The following THSD7B variants were observed in gnomAD, a reference collection of about 807,000 sequenced individuals.
THSD7B encodes the protein thrombospondin type-1 domain-containing protein 7B.
In THSD7B, 138 loss-of-function variants were observed where a neutral mutation model predicts 213.6. That is an observed-to-expected ratio of 0.65 (90% confidence interval 0.56 to 0.74). The LOEUF (loss-of-function observed/expected upper bound fraction) is 0.74. Ranked by LOEUF, THSD7B falls within the 30% of genes least tolerant of loss-of-function variation. THSD7B has a pLI of 0.00. For missense variants in THSD7B, 1,931 were observed against 1,991.5 expected (o/e 0.97, Z 0.58); for synonymous variants, 742 against 687.0 (o/e 1.08, Z -1.25).
chr2:137,451,954 A>G, intron 15 of THSD7B: 1 of 452,702 alleles, frequency 2.2e-6, no homozygotes. Context: ...TATCCTCTCA[A>G]TTCCATTCAG....
chr2:137,184,032 C>T (rs1054026311), intron 7 of THSD7B, among the ~76,000 whole-genome samples: 2 of 152,118 alleles, frequency 1.3e-5, no homozygotes, highest in East Asian at 3.9e-4. Flanking sequence ...CTCCTTATAA[C>T]AGCCCTGCAT....
intron 2 of THSD7B, among the ~76,000 whole-genome samples, chr2:137,012,422 T>A (rs1401478924): frequency 3.3e-5 from 5 of 152,210 alleles, no homozygotes; most frequent in Non-Finnish European, 7.3e-5. Context: ...CAAGCTCTTT[T>A]GAGGACAATG....
chr2:137,265,500 A>C (rs1023978550), intron 10 of THSD7B, among the ~76,000 whole-genome samples: 4 of 152,210 alleles, frequency 2.6e-5, no homozygotes, highest in Admixed American at 2.0e-4. Context: ...TGCTGCTATA[A>C]AGACACATGC....
At position 137,218,589 on chromosome 2, in the gene THSD7B, TAAGAC is replaced by T. The variant is rs559783901; in HGVS notation, c.1724-12452_1724-12448del. On this transcript the variant is annotated intron_variant, in intron 7 of 27. Coordinates refer to ENST00000409968, the MANE Select transcript of THSD7B (RefSeq NM_001316349.2). ...TGCATAAAGGCATTAATATCAGTCT[TAAGAC>T]AATACTAGAAAAGTATACTACATTA... Among the ~76,000 whole-genome samples, 787 of 152,130 alleles carry T rather than the reference TAAGAC, an allele frequency of 5.2e-3. 5 individuals are homozygous for T. The highest frequency in any genetic ancestry group is 0.017 in the African/African-American group (719 of 41,534).
At chr2:137,654,608 G>T (rs946144606) in intron 21 of THSD7B, among the ~76,000 whole-genome samples, 2 of 152,102 alleles carry the variant, frequency 1.3e-5, no homozygotes, top group South Asian at 2.1e-4. Flanking sequence ...ATTCGGGGGA[G>T]GGCTATTGCA....
intron 14 of THSD7B, among the ~76,000 whole-genome samples, chr2:137,433,315 C>T (rs1687224374): frequency 6.6e-6 from 1 of 151,580 alleles, no homozygotes; most frequent in Non-Finnish European, 1.5e-5. Context: ...TCAAAAATGT[C>T]TCTTGAACCA....
intron 12 of THSD7B, among the ~76,000 whole-genome samples, chr2:137,391,345 T>G (rs1490502143): frequency 2.6e-5 from 4 of 152,194 alleles, no homozygotes; most frequent in Non-Finnish European, 4.4e-5. Flanking sequence ...TTGGATCTTC[T>G]TTCTTCTTGG....
chr2:137,206,367 G>C (rs535905911), intron 7 of THSD7B, among the ~76,000 whole-genome samples: 1 of 152,028 alleles, frequency 6.6e-6, no homozygotes, highest in African/African-American at 2.4e-5. Context: ...TATGATTAAT[G>C]AGGAAGAAAG....
In THSD7B at chr2:137,160,194, TTA is replaced by T. The variant is rs1381571616; in HGVS notation, c.1370-17_1370-16del. On this transcript the variant is annotated splice_polypyrimidine_tract_variant and intron_variant, in intron 5 of 27. Coordinates refer to ENST00000409968, the MANE Select transcript of THSD7B (RefSeq NM_001316349.2). ...TGTCCAGAGAATGTGACATGGTCCG[TTA>T]TCTTTTTGTCCCTCAGTCTCTAGAC... is the stretch of plus-strand genomic sequence containing the variant. The T allele has an allele frequency of 6.2e-7, 1 of 1,605,488 alleles. No homozygotes were observed.
chr2:137,363,013 G>A (rs1025580347), intron 12 of THSD7B, among the ~76,000 whole-genome samples: 42 of 152,302 alleles, frequency 2.8e-4, no homozygotes, highest in Middle Eastern at 6.8e-3. Flanking sequence ...AAATGTGAAA[G>A]AACAGAAATC....
intron 21 of THSD7B, among the ~76,000 whole-genome samples, chr2:137,643,660 T>A (rs1177647486): frequency 6.6e-6 from 1 of 152,202 alleles, no homozygotes; most frequent in Non-Finnish European, 1.5e-5. Flanking sequence ...TTACAAAAAT[T>A]GAAGGAATAT....
intron 24 of THSD7B, among the ~76,000 whole-genome samples, chr2:137,658,640 A>T (rs1683284158): frequency 6.6e-6 from 1 of 152,154 alleles, no homozygotes; most frequent in Non-Finnish European, 1.5e-5. Flanking sequence ...ATTGCCACTA[A>T]CACCGAAATT....
intron 9 of THSD7B, among the ~76,000 whole-genome samples, chr2:137,237,388 G>T (rs1681789826): frequency 6.6e-6 from 1 of 152,188 alleles, no homozygotes; most frequent in Non-Finnish European, 1.5e-5. Context: ...GAAATAGCTG[G>T]AGAAATAAGT....
intron 3 of THSD7B, among the ~76,000 whole-genome samples, chr2:137,091,727 C>G (rs753630784): frequency 6.6e-6 from 1 of 151,960 alleles, no homozygotes; most frequent in African/African-American, 2.4e-5. Flanking sequence ...TAAGGCCTAC[C>G]CTATGCTTTA....
chr2:137,199,356 A>G, intron 7 of THSD7B, among the ~76,000 whole-genome samples: 1 of 152,194 alleles, frequency 6.6e-6, no homozygotes, highest in East Asian at 1.9e-4. Context: ...TATATAAAAT[A>G]AAAAGTAAGT....
intron 7 of THSD7B, among the ~76,000 whole-genome samples, chr2:137,179,728 T>A (rs1680419369): frequency 6.6e-6 from 1 of 152,204 alleles, no homozygotes; most frequent in Non-Finnish European, 1.5e-5. Context: ...GTGTGTAACC[T>A]TTTGTGCTCT....
At chr2:136,976,334 G>C (rs980551906) in intron 2 of THSD7B, among the ~76,000 whole-genome samples, 1 of 152,126 alleles carries the variant, frequency 6.6e-6, no homozygotes, top group African/African-American at 2.4e-5. Context: ...TTATTTAGAG[G>C]TACTTTTCTT....
At position 137,367,443 on chromosome 2, in the gene THSD7B, C is replaced by T. The variant is rs141718474; in HGVS notation, c.2501-38170C>T. Among the ~76,000 whole-genome samples the T allele has an allele frequency of 5.5e-3, 840 of 152,178 alleles. 7 individuals carry two copies. Among genetic ancestry groups the T allele is most frequent in the African/African-American group, 0.019 (800 of 41,536 alleles). On this transcript the variant is annotated intron_variant, in intron 12 of 27. Transcript: ENST00000409968. ...CTTGTGTGAAATTACAGCTGTCACCCCTATGCAATATACGTTTTGGAAGTA... is the reference window on the plus strand; with the variant it reads ...CTTGTGTGAAATTACAGCTGTCACCTCTATGCAATATACGTTTTGGAAGTA...
rs922531422 is a variant in THSD7B at position 137,517,965 on chromosome 2, G to A, written c.3139-45256G>A. On this transcript the variant is annotated intron_variant, in intron 15 of 27. Transcript: ENST00000409968. ...CTGAACTGCCTATCATGAACTGGGCGCTTTCTGACCCATCTAGCCATAAAG... is the reference window on the plus strand; with the variant it reads ...CTGAACTGCCTATCATGAACTGGGCACTTTCTGACCCATCTAGCCATAAAG... Among the ~76,000 whole-genome samples, 129 of 152,268 alleles carry A rather than the reference G, an allele frequency of 8.5e-4. 2 individuals carry two copies. Among genetic ancestry groups the A allele is most frequent in the Non-Finnish European group, 2.2e-4 (15 of 68,022 alleles).
Sources: gnomAD v4.1 joint callset for allele counts (sites outside exome capture counted in the v4.1 genomes callset) on GRCh38, gnomAD v4.1.1 for gene constraint, MANE v1.5 for transcripts, NCBI Gene and HGNC (gene_info 2026-07-23, HGNC 2026-07-21) for gene names.